PTH1R: variants seen among roughly 807,000 people sequenced by gnomAD.
PTH1R encodes parathyroid hormone/parathyroid hormone-related peptide receptor.
In PTH1R, 32 loss-of-function variants were observed where a neutral mutation model predicts 70.7. The ratio of observed to expected loss-of-function variants is 0.45; its 90% CI spans 0.34 to 0.61. The LOEUF (loss-of-function observed/expected upper bound fraction) is 0.61. Among genes scored for constraint, PTH1R ranks in the 20% least tolerant of loss-of-function variants. The pLI is 0.01. For missense variants in PTH1R, 626 were observed against 792.5 expected (o/e 0.79, Z 2.52); for synonymous variants, 329 against 324.8 (o/e 1.01, Z -0.14).
chr3:46,889,626 T>C (rs2031272116), intron 3 of PTH1R, among the ~76,000 whole-genome samples: 1 of 152,178 alleles, frequency 6.6e-6, no homozygotes, highest in African/African-American at 2.4e-5. Context: ...ATGGGGAGGA[T>C]GTGCTACAGT....
At chr3:46,895,286 C>CCT (rs1302480379) in intron 4 of PTH1R, among the ~76,000 whole-genome samples, 1 of 152,146 alleles carries the variant, frequency 6.6e-6, no homozygotes, top group Non-Finnish European at 1.5e-5. Flanking sequence ...AGCTTCTTTA[C>CCT]CTGCACAGCA....
In PTH1R at chr3:46,892,483, G is replaced by A. The variant is rs1387548690; in HGVS notation, c.76-1424G>A. Among the ~76,000 whole-genome samples the A allele has an allele frequency of 1.4e-4, 22 of 152,174 alleles. No homozygotes were observed. The highest frequency in any genetic ancestry group is 1.4e-3 in the Admixed American group (22 of 15,286). On this transcript the variant is annotated intron_variant, in intron 3 of 15. Transcript: ENST00000449590. This position sits in a 1 kb window ranked among gnomAD's most constrained non-coding sequence, Gnocchi z 5.2. ...AATGCGCTGCCACTCGCGCGCGCAC[G>A]CACAGGGACGCGCACGCGGCTCCGC...
chr3:46,882,543 G>C lies in PTH1R; in HGVS notation c.-48-969G>C, dbSNP rs1052178063. The C allele has an allele frequency of 5.3e-5, 8 of 151,676 alleles. No homozygotes were observed. Among genetic ancestry groups the C allele is most frequent in the Non-Finnish European group, 1.2e-4 (8 of 67,790 alleles). 9.4% of individuals were successfully genotyped at this position (151,676 alleles called of 1,614,324 possible). On this transcript the variant is annotated intron_variant, in intron 2 of 15. Transcript: ENST00000449590. This position sits in a 1 kb window ranked among gnomAD's most constrained non-coding sequence, Gnocchi z 4.3. ...AGCGACTCCGGGCCTGGCCGGAGCAGCCAGGCTGCTCTGTCTCGGTGTCAG... is the reference window on the plus strand; with the variant it reads ...AGCGACTCCGGGCCTGGCCGGAGCACCCAGGCTGCTCTGTCTCGGTGTCAG...
At chr3:46,895,973 A>G in intron 5 of PTH1R, 104 bp downstream of exon 5, 9 of 1,435,798 alleles carry the variant, frequency 6.3e-6, no homozygotes, top group Non-Finnish European at 8.6e-6. Flanking sequence ...CTCTTATAGA[A>G]AGTAAAAGGC....
chr3:46,885,566 G>A (rs1203081824), intron 3 of PTH1R, among the ~76,000 whole-genome samples: 1 of 152,198 alleles, frequency 6.6e-6, no homozygotes, highest in African/African-American at 2.4e-5. Flanking sequence ...CTGCTCTCCA[G>A]GGAAGCTGAG....
rs184994789 is a variant in PTH1R at position 46,895,653 on chromosome 3, G to T, written c.179-82G>T. The T allele has an allele frequency of 6.8e-6, 11 of 1,607,224 alleles. No individual in the cohort carries two copies. The East Asian group carries it at 2.2e-4, about 33-fold the overall frequency. On this transcript the variant is annotated intron_variant, in intron 4 of 15. Transcript: ENST00000449590. ...GAGACAACCCCCCCATTGTACAAAG[G>T]GGGAGTCTGAGGCCAAAGAGTACCC...
intron 4 of PTH1R, 117 bp from the exon 5 acceptor site, chr3:46,895,618 A>C: frequency 6.6e-7 from 1 of 1,511,076 alleles, no homozygotes; most frequent in Non-Finnish European, 9.1e-7. Flanking sequence ...CCTAGGTGTC[A>C]CCAGGGCAGG....
intron 10 of PTH1R, 116 bp downstream of exon 10, chr3:46,899,572 G>C (rs2031992472): frequency 7.5e-7 from 1 of 1,337,396 alleles, no homozygotes; most frequent in Admixed American, 2.1e-5. Flanking sequence ...AAGTGGAACA[G>C]CAGGAGAGAG....
Position 46,902,743 on chromosome 3 carries a change from T to C in PTH1R, c.1354-6T>C. 2 of 1,613,880 alleles carry C rather than the reference T, an allele frequency of 1.2e-6. No individual in the cohort carries two copies. The highest frequency in any genetic ancestry group is 1.7e-6 in the Non-Finnish European group (2 of 1,179,990). ...CAGGCCTGATTCGAGACACCCCTCT[T>C]CACAGGGATTTTTTGTCGCAATCAT... On this transcript the variant is annotated splice_region_variant and splice_polypyrimidine_tract_variant and intron_variant, in intron 14 of 15. Transcript: ENST00000449590. This position sits in a 1 kb window ranked among gnomAD's most constrained non-coding sequence, Gnocchi z 5.4.
rs1323292098 is a variant in PTH1R at position 46,897,792 on chromosome 3, G to T, written c.314-63G>T. The stretch of plus-strand genomic sequence containing the variant: ...AACCACAGATGTATTCATCCTTCTG[G>T]GTCACTAATCATGGCCTTGACTCTC... On this transcript the variant is annotated intron_variant, in intron 5 of 15. Coordinates refer to ENST00000449590, the MANE Select transcript of PTH1R (RefSeq NM_000316.3). 3 of 1,378,712 alleles carry T rather than the reference G, an allele frequency of 2.2e-6. No individual in the cohort carries two copies. The African/African-American group carries it at 4.3e-5, about 20-fold the overall frequency. 85.4% of individuals were successfully genotyped at this position (1,378,712 alleles called of 1,614,324 possible).
intron 4 of PTH1R, 31 bp downstream of exon 4, chr3:46,894,040 G>A: frequency 6.2e-7 from 1 of 1,603,264 alleles, no homozygotes; most frequent in African/African-American, 1.3e-5. Context: ...GTCTGGGGAT[G>A]AGGTCAGGTG....
chr3:46,889,022 C>T (rs1475338577), intron 3 of PTH1R, among the ~76,000 whole-genome samples: 7 of 152,302 alleles, frequency 4.6e-5, no homozygotes, highest in Admixed American at 6.5e-5. Flanking sequence ...TCAGGCCAGC[C>T]GGACAGAGAG....
At chr3:46,894,075 A>G in intron 4 of PTH1R, 66 bp downstream of exon 4, 1 of 1,520,838 alleles carries the variant, frequency 6.6e-7, no homozygotes, top group Non-Finnish European at 9.1e-7. Context: ...CAAGGGCGGG[A>G]CCCAGGATAC....
Position 46,892,784 on chromosome 3 carries a change from G to A in PTH1R, c.76-1123G>A. On this transcript the variant is annotated intron_variant, in intron 3 of 15. Transcript: ENST00000449590. This position sits in a 1 kb window ranked among gnomAD's most constrained non-coding sequence, Gnocchi z 5.2. The stretch of plus-strand genomic sequence containing the variant: ...TGGCGCGTCTGAAGGATGCAGCTCT[G>A]CCGCGGAGCTGAGGAGACGTAGCCT... 10 of 985,786 alleles carry A rather than the reference G, an allele frequency of 1.0e-5. No homozygotes were observed. The highest frequency in any genetic ancestry group is 1.2e-5 in the Non-Finnish European group (10 of 830,200). 61.1% of individuals were successfully genotyped at this position (985,786 alleles called of 1,614,324 possible).
Position 46,903,009 on chromosome 3 carries a change from C to G in PTH1R, c.1395+219C>G. On this transcript the variant is annotated intron_variant, in intron 15 of 15. Transcript: ENST00000449590. The surrounding 1 kb of genome is among the most constrained non-coding windows in gnomAD (Gnocchi z 4.4). ...AGTCACTGGCATAGCCAAGTGTCTT[C>G]CCAGCCCCATGGTTCAATTATCTGT... is the stretch of plus-strand genomic sequence containing the variant. 1.0e-6 allele frequency: 1 copy of G among 956,650 alleles called. No individual in the cohort carries two copies. Among genetic ancestry groups the G allele is most frequent in the Non-Finnish European group, 1.6e-6 (1 of 617,848 alleles). 59.3% of individuals were successfully genotyped at this position (956,650 alleles called of 1,614,324 possible). A position where few individuals can be genotyped will look rare whatever the true frequency, so the allele number is the denominator to read the frequency against.
Position 46,901,514 on chromosome 3 carries a change from G to T in PTH1R, c.1116+34G>T. ...GGGTGGGCTGCTGGCCACAGGGGTG[G>T]GTGGGATGTGCGCCTGCGTCCCCTG... On this transcript the variant is annotated intron_variant, in intron 12 of 15. Transcript: ENST00000449590. The surrounding 1 kb of genome is among the most constrained non-coding windows in gnomAD (Gnocchi z 7.3). 6.4e-7 allele frequency: 1 copy of T among 1,553,624 alleles called. No homozygotes were observed. The highest frequency in any genetic ancestry group is 8.7e-7 in the Non-Finnish European group (1 of 1,148,016).
At position 46,903,327 on chromosome 3, in the gene PTH1R, C is replaced by G; in HGVS notation, c.1453C>G (p.Arg485Gly). The G allele has an allele frequency of 1.2e-6, 2 of 1,613,650 alleles. No individual in the cohort carries two copies. Among genetic ancestry groups the G allele is most frequent in the Admixed American group, 1.7e-5 (1 of 60,032 alleles). Residue 485 changes from arginine to glycine, a missense_variant, in exon 16 of 16, where the codon CGA becomes GGA. Coordinates refer to ENST00000449590, the MANE Select transcript of PTH1R (RefSeq NM_000316.3). This position sits in a 1 kb window ranked among gnomAD's most constrained non-coding sequence, Gnocchi z 4.4. ...CTGGACACTGGCACTGGACTTCAAG[C>G]GAAAGGCACGCAGCGGGAGCAGCAG... ...SRWTLALDFK[R>G]KARSGSSSYS... is the part of the protein sequence containing the mutation.
At position 46,901,515 on chromosome 3, in the gene PTH1R, G is replaced by A; in HGVS notation, c.1116+35G>A. The A allele has an allele frequency of 2.6e-6, 4 of 1,552,916 alleles. No individual in the cohort carries two copies. The highest frequency in any genetic ancestry group is 3.5e-6 in the Non-Finnish European group (4 of 1,147,402). ...GGTGGGCTGCTGGCCACAGGGGTGG[G>A]TGGGATGTGCGCCTGCGTCCCCTGG... On this transcript the variant is annotated intron_variant, in intron 12 of 15. Transcript: ENST00000449590. The surrounding 1 kb of genome is among the most constrained non-coding windows in gnomAD (Gnocchi z 7.3).
chr3:46,890,648 G>A (rs996225285), intron 3 of PTH1R, among the ~76,000 whole-genome samples: 3 of 151,866 alleles, frequency 2.0e-5, no homozygotes, highest in Non-Finnish European at 2.9e-5. Flanking sequence ...GATTACAGGC[G>A]CACCACCACA....
Sources: gnomAD v4.1 joint callset for allele counts (sites outside exome capture counted in the v4.1 genomes callset) on GRCh38, gnomAD v4.1.1 for gene constraint, Gnocchi (gnomAD v3.1) non-coding constraint, MANE v1.5 for transcripts, NCBI Gene and HGNC (gene_info 2026-07-23, HGNC 2026-07-21) for gene names.